The following CHM variants were observed in gnomAD, a reference collection of about 807,000 sequenced individuals.
The protein encoded by CHM is CHM Rab escort protein, also known as rab proteins geranylgeranyltransferase component A 1.
Under a neutral mutation model 49.0 loss-of-function variants are expected in CHM, and 10 were observed. The ratio of observed to expected loss-of-function variants is 0.20; its 90% CI spans 0.13 to 0.35. The LOEUF (loss-of-function observed/expected upper bound fraction) is 0.35, where lower values mean the gene tolerates loss of function less well. Ranked by LOEUF, CHM falls within the 10% of genes least tolerant of loss-of-function variation. The pLI is 1.00. For missense variants in CHM, 455 were observed against 478.4 expected, an observed-to-expected ratio of 0.95 and a Z score of 0.46; for synonymous variants, 184 against 167.5, an observed-to-expected ratio of 1.10 and a Z score of -0.76.
At chrX:85,951,101 A>G (rs1354838684) in intron 8 of CHM, among the ~76,000 whole-genome samples, 1 of 112,216 alleles carries the variant, frequency 8.9e-6, no homozygotes, top group East Asian at 2.8e-4. Flanking sequence ...ATTTGCCACC[A>G]GTAGATGTAA....
At chrX:85,954,308 C>T (rs1322443124) in intron 8 of CHM, among the ~76,000 whole-genome samples, 3 of 111,721 alleles carry the variant, frequency 2.7e-5, no homozygotes, top group Non-Finnish European at 5.6e-5. Flanking sequence ...AAAAGGGAAC[C>T]CTTGAACACT....
rs1932640365 is a variant in CHM, at chrX:86,000,287, A to G, written c.117-18478T>C. On this transcript the variant is annotated intron_variant, in intron 2 of 14. Transcript: ENST00000357749. ...TCTTCCTGAAAAAAAAAAAAAAAAA[A>G]GTAAATTTCACCTAATTCCTTACTG... Among the ~76,000 whole-genome samples, 9 of 89,563 alleles carry G rather than the reference A, an allele frequency of 1.0e-4. No homozygotes were observed. In the Admixed American group the frequency reaches 1.1e-3, roughly 11 times the overall value. The allele number at this position is 89,563 out of a possible 115,157, so 77.8% of individuals were successfully genotyped here.
At chrX:85,964,526 C>G (rs1930475542) in intron 4 of CHM, among the ~76,000 whole-genome samples, 1 of 111,236 alleles carries the variant, frequency 9.0e-6, no homozygotes, top group Non-Finnish European at 1.9e-5. Flanking sequence ...GTACTGCATG[C>G]AAAGAGCCTG....
Position 85,864,805 on chromosome X carries a change from T to C in CHM, c.1787A>G (p.Gln596Arg), listed in dbSNP as rs771202880. ...GAAATCTTCATTGGGGCAGATTTCC[T>C]GGAAAAGTGTTTCAGCCTGGCCAAG... ...NAVKQAETLF[Q>R]EICPNEDFCP... is the part of the protein sequence containing the mutation. Residue 596 changes from glutamine to arginine, a missense_variant, in exon 15 of 15, where the codon CAG becomes CGG. Coordinates refer to ENST00000357749, the MANE Select transcript of CHM (RefSeq NM_000390.4). 8.3e-7 allele frequency: 1 copy of C among 1,207,599 alleles called. No homozygotes were observed. Among genetic ancestry groups the C allele is most frequent in the Non-Finnish European group, 1.1e-6 (1 of 893,051 alleles).
intron 12 of CHM, among the ~76,000 whole-genome samples, chrX:85,885,222 T>C (rs1569398172): frequency 9.1e-6 from 1 of 109,881 alleles, no homozygotes; most frequent in Non-Finnish European, 1.9e-5. Context: ...TAGTTAAGAG[T>C]AGAGTACCCG....
chrX:85,986,382 T>A (rs1441651349), intron 2 of CHM, among the ~76,000 whole-genome samples: 1 of 111,767 alleles, frequency 8.9e-6, no homozygotes, highest in African/African-American at 3.3e-5. Flanking sequence ...AGCTATGGTC[T>A]ACAGCCAGCA....
At chrX:86,022,493 T>C (rs1933648333) in intron 2 of CHM, among the ~76,000 whole-genome samples, 3 of 111,456 alleles carry the variant, frequency 2.7e-5, no homozygotes, top group Non-Finnish European at 5.7e-5. Flanking sequence ...ACCCTCCTGC[T>C]TTTCTTCTCA....
chrX:86,010,079 T>C (rs1348939561), intron 2 of CHM, among the ~76,000 whole-genome samples: 2 of 106,090 alleles, frequency 1.9e-5, no homozygotes, highest in Non-Finnish European at 3.9e-5. Flanking sequence ...AGCAAACTAT[T>C]ATAAGGACAG....
intron 9 of CHM, among the ~76,000 whole-genome samples, chrX:85,901,979 G>A (rs753818918): frequency 1.7e-3 from 189 of 111,449 alleles, no homozygotes; most frequent in Non-Finnish European, 2.9e-3. Context: ...TACTTTATAG[G>A]GCTCATTATC....
chrX:86,041,726 GTATATATATATATA>G (rs3078104), intron 1 of CHM, among the ~76,000 whole-genome samples: 6 of 83,733 alleles, frequency 7.2e-5, no homozygotes, highest in East Asian at 3.9e-4. Flanking sequence ...TGGTGTGTGT[GTATATATATATATA>G]TATATATATA....
At chrX:85,996,347 G>A (rs925184199) in intron 2 of CHM, among the ~76,000 whole-genome samples, 6 of 111,690 alleles carry the variant, frequency 5.4e-5, no homozygotes, top group Non-Finnish European at 9.4e-5. Context: ...AATTTCCAAG[G>A]CAGAAAAAAT....
At position 85,869,338 on chromosome X, in the gene CHM, C is replaced by T. The variant is rs137898845; in HGVS notation, c.1770+3714G>A. 6.0e-3 allele frequency among the ~76,000 whole-genome samples: 661 copies of T among 110,918 alleles called. 10 individuals carry two copies. The East Asian group carries it at 0.08, about 13-fold the overall frequency. On this transcript the variant is annotated intron_variant, in intron 14 of 14. Transcript: ENST00000357749. Reference sequence around the variant, plus strand: ...ATAAATATAATAATTATTATTACTACTAATTCTTTTACTTCTTCTATGCTA... The same window carrying T: ...ATAAATATAATAATTATTATTACTATTAATTCTTTTACTTCTTCTATGCTA...
At chrX:85,968,072 G>A (rs1930674597) in intron 4 of CHM, among the ~76,000 whole-genome samples, 1 of 111,300 alleles carries the variant, frequency 9.0e-6, no homozygotes. Flanking sequence ...TTACTTTGAT[G>A]TTTATACTTT....
chrX:85,979,337 T>C (rs1013026899), intron 3 of CHM, among the ~76,000 whole-genome samples: 4 of 111,371 alleles, frequency 3.6e-5, no homozygotes, highest in Non-Finnish European at 7.5e-5. Flanking sequence ...TTTCAGATCT[T>C]TGAAGGTTGG....
At chrX:85,965,332 C>G (rs1446167445) in intron 4 of CHM, among the ~76,000 whole-genome samples, 1 of 112,101 alleles carries the variant, frequency 8.9e-6, no homozygotes, top group Non-Finnish European at 1.9e-5. Flanking sequence ...CTCTATTATA[C>G]CATGCTCCCA....
chrX:85,906,192 G>C (rs957127303), intron 9 of CHM, among the ~76,000 whole-genome samples: 3 of 111,915 alleles, frequency 2.7e-5, no homozygotes, highest in Non-Finnish European at 5.6e-5. Context: ...TGATTTAGGA[G>C]GAAAAGAATC....
chrX:85,964,011 T>C lies in CHM; in HGVS notation c.356A>G (p.Gln119Arg), dbSNP rs1930445185. The change falls in exon 5 of 15, where the codon CAG (glutamine) becomes CGG (arginine). Residue 119 changes from glutamine to arginine, a missense_variant. Physicochemically the swap from Gln to Arg is conservative, Grantham distance 43. Transcript: ENST00000357749. The stretch of plus-strand genomic sequence containing the variant: ...AGATGTCACAAGAGCATGATTTTTC[T>C]GCAGTGCACCAGCTTCTTCGACATC... The part of the protein sequence containing the change: ...HEDVEEAGAL[Q>R]KNHALVTSAN... 1.7e-6 allele frequency: 2 copies of C among 1,206,613 alleles called. No homozygotes were observed. The highest frequency in any genetic ancestry group is 1.1e-6 in the Non-Finnish European group (1 of 893,929).
At chrX:85,897,712 C>A (rs182693742) in intron 11 of CHM, among the ~76,000 whole-genome samples, 2 of 110,744 alleles carry the variant, frequency 1.8e-5, no homozygotes, top group African/African-American at 6.6e-5. Context: ...AGTGGAAGAA[C>A]TGACTGGTGG....
rs199551359 is a variant in CHM, at chrX:85,882,474, CA to C, written c.1511-3412del. Among the ~76,000 whole-genome samples, 202 of 106,106 alleles carry C rather than the reference CA, an allele frequency of 1.9e-3. 7 individuals are homozygous for C. In the East Asian group the frequency reaches 0.034, roughly 18 times the overall value. 92.1% of individuals were successfully genotyped at this position (106,106 alleles called of 115,157 possible). Reference sequence around the variant, plus strand: ...ACAGGCACCATGTGAGATAACTGAACAAAAAAAAAATTAATATCTTTTTATA... The same window carrying C: ...ACAGGCACCATGTGAGATAACTGAACAAAAAAAAATTAATATCTTTTTATA... On this transcript the variant is annotated intron_variant, in intron 12 of 14. Transcript: ENST00000357749.
Sources: gnomAD v4.1 joint callset for allele counts (sites outside exome capture counted in the v4.1 genomes callset) on GRCh38, gnomAD v4.1.1 for gene constraint, MANE v1.5 for transcripts, NCBI Gene and HGNC (gene_info 2026-07-23, HGNC 2026-07-21) for gene names.